SLCO2A1: variants seen among roughly 807,000 people sequenced by gnomAD.
SLCO2A1 encodes matrin F/G 1.
SLCO2A1 carries 60 observed loss-of-function variants against 71.7 expected under a neutral mutation model. The ratio of observed to expected loss-of-function variants is 0.84; its 90% CI spans 0.68 to 1.04. SLCO2A1 has a LOEUF of 1.04. Ranked by LOEUF, SLCO2A1 falls within the 50% of genes least tolerant of loss-of-function variation. The probability of loss-of-function intolerance (pLI) is 0.00; values close to 1 mark genes in which losing one functional copy is unlikely to be tolerated. For missense variants in SLCO2A1, 745 were observed against 813.4 expected (o/e 0.92, Z 1.02); for synonymous variants, 308 against 326.7 (o/e 0.94, Z 0.62).
At chr3:134,017,910 T>C (rs1383908230) in intron 1 of SLCO2A1, among the ~76,000 whole-genome samples, 1 of 152,030 alleles carries the variant, frequency 6.6e-6, no homozygotes, top group South Asian at 2.1e-4. Flanking sequence ...TCTCTCAGAA[T>C]GGAAAAAACA....
At chr3:134,023,193 A>ACCC (rs919072774) in intron 1 of SLCO2A1, among the ~76,000 whole-genome samples, 1 of 151,764 alleles carries the variant, frequency 6.6e-6, no homozygotes, top group African/African-American at 2.4e-5. Flanking sequence ...AGAAAGCGCC[A>ACCC]CCCCCTCCAG....
intron 4 of SLCO2A1, 114 bp from the exon 5 acceptor site, chr3:133,953,875 G>C: frequency 1.3e-6 from 1 of 772,944 alleles, no homozygotes; most frequent in Middle Eastern, 2.6e-4. Context: ...TCCCAAGCCT[G>C]ATAAGCCCAC....
chr3:134,012,473 C>T (rs1935363493), intron 1 of SLCO2A1, among the ~76,000 whole-genome samples: 1 of 152,178 alleles, frequency 6.6e-6, no homozygotes, highest in Non-Finnish European at 1.5e-5. Context: ...GAGGCAAGGA[C>T]ATCAAGAGGA....
At chr3:133,972,243 A>G (rs1934342587) in intron 3 of SLCO2A1, among the ~76,000 whole-genome samples, 1 of 152,228 alleles carries the variant, frequency 6.6e-6, no homozygotes, top group South Asian at 2.1e-4. Context: ...ATTCAAATTC[A>G]TAATGTAAAA....
intron 2 of SLCO2A1, among the ~76,000 whole-genome samples, chr3:133,976,590 T>C (rs1934455195): frequency 6.6e-6 from 1 of 152,128 alleles, no homozygotes. Flanking sequence ...TTCCCTAATA[T>C]AAAACAACCC....
At chr3:133,955,449 G>A (rs553277848) in intron 3 of SLCO2A1, 150 of 527,094 alleles carry the variant, frequency 2.8e-4, no homozygotes, top group Admixed American at 1.1e-3. Flanking sequence ...CTCAGGTGGA[G>A]AGGAATCTTC....
At chr3:133,986,291 T>C (rs1392071869) in intron 1 of SLCO2A1, among the ~76,000 whole-genome samples, 1 of 152,232 alleles carries the variant, frequency 6.6e-6, no homozygotes, top group Non-Finnish European at 1.5e-5. Context: ...ATCATGAGCG[T>C]TGGCAATGTC....
intron 3 of SLCO2A1, among the ~76,000 whole-genome samples, chr3:133,967,831 C>T (rs374493430): frequency 1.2e-4 from 12 of 100,486 alleles, no homozygotes; most frequent in African/African-American, 1.8e-4. Context: ...CTCCATACCC[C>T]CCACACATGA....
chr3:134,017,566 G>A (rs924582001), intron 1 of SLCO2A1, among the ~76,000 whole-genome samples: 5 of 152,184 alleles, frequency 3.3e-5, no homozygotes, highest in Non-Finnish European at 7.3e-5. Context: ...AACTAGCCTG[G>A]CCCTGTGCAG....
chr3:134,013,381 A>G (rs1173995258), intron 1 of SLCO2A1, among the ~76,000 whole-genome samples: 3 of 152,348 alleles, frequency 2.0e-5, no homozygotes, highest in Admixed American at 6.5e-5. Context: ...CAGCCAAACG[A>G]GCAGCAGGAG....
intron 1 of SLCO2A1, among the ~76,000 whole-genome samples, chr3:133,998,170 C>A (rs1008706131): frequency 6.6e-6 from 1 of 152,334 alleles, no homozygotes; most frequent in South Asian, 2.1e-4. Context: ...GCAGGCTTCC[C>A]ATTTCATCTT....
At chr3:133,971,100 C>T (rs1055928643) in intron 3 of SLCO2A1, among the ~76,000 whole-genome samples, 2 of 152,256 alleles carry the variant, frequency 1.3e-5, no homozygotes, top group Non-Finnish European at 2.9e-5. Context: ...GAGCAGGCCA[C>T]GATGTGTGGC....
intron 4 of SLCO2A1, among the ~76,000 whole-genome samples, chr3:133,954,329 A>AT (rs201389970): frequency 0.069 from 10,419 of 151,670 alleles, 1,167 homozygotes; most frequent in African/African-American, 0.23. Context: ...TGCCCAGCTA[A>AT]TTTTTTATTT....
chr3:133,990,570 A>T (rs1934819767), intron 1 of SLCO2A1, among the ~76,000 whole-genome samples: 1 of 152,026 alleles, frequency 6.6e-6, no homozygotes, highest in South Asian at 2.1e-4. Flanking sequence ...CCTTTACTTG[A>T]CTAAGTCTTC....
At chr3:134,006,454 C>T (rs555881109) in intron 1 of SLCO2A1, among the ~76,000 whole-genome samples, 7 of 152,174 alleles carry the variant, frequency 4.6e-5, no homozygotes, top group Non-Finnish European at 7.3e-5. Context: ...AGACTCTATA[C>T]CCCTTGAACA....
At chr3:134,023,349 C>T (rs894464655) in intron 1 of SLCO2A1, among the ~76,000 whole-genome samples, 1 of 152,160 alleles carries the variant, frequency 6.6e-6, no homozygotes, top group Non-Finnish European at 1.5e-5. Context: ...TCAATTTCTC[C>T]TCAAACTATT....
intron 6 of SLCO2A1, 29 bp from the exon 7 acceptor site, chr3:133,949,000 A>C: frequency 6.3e-7 from 1 of 1,590,308 alleles, no homozygotes. Context: ...GTGAGTGTTC[A>C]CGGCCCAGGC....
At chr3:133,979,687 T>C (rs1425818835) in intron 1 of SLCO2A1, 69 bp from the exon 2 acceptor site, 3 of 1,524,020 alleles carry the variant, frequency 2.0e-6, no homozygotes, top group East Asian at 2.3e-5. Flanking sequence ...AGCCATCTGT[T>C]AGGGGCCCCG....
At chr3:133,998,720 G>A (rs1481151537) in intron 1 of SLCO2A1, 1 of 152,208 alleles carries the variant, frequency 6.6e-6, no homozygotes, top group Non-Finnish European at 1.5e-5. Context: ...GCAAATTCTT[G>A]CAACCACCAG....
Sources: gnomAD v4.1 joint callset for allele counts (sites outside exome capture counted in the v4.1 genomes callset) on GRCh38, gnomAD v4.1.1 for gene constraint, MANE v1.5 for transcripts, NCBI Gene and HGNC (gene_info 2026-07-23, HGNC 2026-07-21) for gene names.